The following BCKDHB variants were observed in gnomAD, a reference collection of about 807,000 sequenced individuals.
The protein encoded by BCKDHB is branched chain keto acid dehydrogenase E1 subunit beta.
BCKDHB carries 41 observed loss-of-function variants against 48.5 expected under a neutral mutation model. The observed-to-expected ratio is 0.85, with a 90% CI of 0.66 to 1.10. The LOEUF (loss-of-function observed/expected upper bound fraction) is 1.10, where lower values mean the gene tolerates loss of function less well. Among genes scored for constraint, BCKDHB ranks in the 50% least tolerant of loss-of-function variants. The probability of loss-of-function intolerance (pLI) is 0.00; values close to 1 mark genes in which losing one functional copy is unlikely to be tolerated. For synonymous variants in BCKDHB, 201 were observed against 174.8 expected (o/e 1.15, Z -1.18); for missense variants, 496 against 494.2 (o/e 1.00, Z -0.03).
intron 8 of BCKDHB, among the ~76,000 whole-genome samples, chr6:80,252,968 CACT>C (rs1312092900): frequency 6.6e-6 from 1 of 152,174 alleles, no homozygotes; most frequent in African/African-American, 2.4e-5. Flanking sequence ...TCCCCATCAC[CACT>C]GTTATCATAA....
chr6:80,424,972 G>T, the BCKDHB span, among the ~76,000 whole-genome samples: 1 of 152,158 alleles, frequency 6.6e-6, no homozygotes, highest in Non-Finnish European at 1.5e-5. Flanking sequence ...GTACCCCTCT[G>T]TGGTGTTTCA....
chr6:80,200,876 T>C, intron 6 of BCKDHB, 58 bp from the exon 7 acceptor site: 1 of 1,329,904 alleles, frequency 7.5e-7, no homozygotes, highest in Non-Finnish European at 1.1e-6. Context: ...AATTATTTTA[T>C]GCACAAGTGT....
chr6:80,385,527 C>A, the BCKDHB span, among the ~76,000 whole-genome samples: 1 of 152,172 alleles, frequency 6.6e-6, no homozygotes, highest in Admixed American at 6.6e-5. Context: ...GTGGCAACAT[C>A]CCCTCCCCAG....
downstream of BCKDHB, among the ~76,000 whole-genome samples, chr6:80,350,154 C>T (rs1440450100): frequency 6.6e-6 from 1 of 151,244 alleles, no homozygotes; most frequent in Non-Finnish European, 1.5e-5. Flanking sequence ...ACTGTGGAGC[C>T]AAGAAGGAAA....
intron 8 of BCKDHB, among the ~76,000 whole-genome samples, chr6:80,229,277 A>G (rs1775808956): frequency 2.0e-5 from 3 of 152,242 alleles, no homozygotes; most frequent in Non-Finnish European, 4.4e-5. Context: ...GCTTACAGAA[A>G]TAGCAGAGTG....
chr6:80,245,053 A>T (rs1293567113), intron 8 of BCKDHB, among the ~76,000 whole-genome samples: 3 of 151,038 alleles, frequency 2.0e-5, no homozygotes, highest in African/African-American at 7.3e-5. Flanking sequence ...CATCTATAAA[A>T]CAGAGATATA....
At chr6:80,285,995 A>G (rs1480204650) in intron 9 of BCKDHB, among the ~76,000 whole-genome samples, 1 of 152,038 alleles carries the variant, frequency 6.6e-6, no homozygotes, top group Non-Finnish European at 1.5e-5. Flanking sequence ...GATTCTCCCT[A>G]CATTAACTTT....
chr6:80,416,108 A>G, the BCKDHB span, among the ~76,000 whole-genome samples: 3 of 151,844 alleles, frequency 2.0e-5, no homozygotes, highest in Admixed American at 1.3e-4. Context: ...CTGTGGGGTC[A>G]GTGGGAATAT....
chr6:80,175,800 G>T (rs1773123260), intron 6 of BCKDHB, among the ~76,000 whole-genome samples: 1 of 152,172 alleles, frequency 6.6e-6, no homozygotes, highest in African/African-American at 2.4e-5. Context: ...AAAGATATAA[G>T]AAATATATTC....
chr6:80,194,278 G>T (rs1057044825), intron 6 of BCKDHB, among the ~76,000 whole-genome samples: 1 of 152,072 alleles, frequency 6.6e-6, no homozygotes, highest in Non-Finnish European at 1.5e-5. Context: ...CAAACAAAAA[G>T]ATTGCAAAAA....
At chr6:80,292,948 G>T (rs571690681) in intron 9 of BCKDHB, among the ~76,000 whole-genome samples, 1 of 152,312 alleles carries the variant, frequency 6.6e-6, no homozygotes, top group African/African-American at 2.4e-5. Context: ...TCACATCCAG[G>T]TCAGGCTAAT....
At chr6:80,456,875 A>T in the BCKDHB span, among the ~76,000 whole-genome samples, 1 of 152,214 alleles carries the variant, frequency 6.6e-6, no homozygotes, top group Non-Finnish European at 1.5e-5. Flanking sequence ...TAGGACTAGT[A>T]CATCTTCCGT....
chr6:80,169,920 G>A, intron 5 of BCKDHB: 1 of 1,532,248 alleles, frequency 6.5e-7, no homozygotes, highest in African/African-American at 1.4e-5. Flanking sequence ...TTATTTTTGT[G>A]CTTGAGCTAA....
At chr6:80,463,604 A>C in the BCKDHB span, among the ~76,000 whole-genome samples, 1 of 151,730 alleles carries the variant, frequency 6.6e-6, no homozygotes, top group Admixed American at 6.6e-5. Context: ...TTTTTTCCAA[A>C]ATTTGAAAGG....
intron 1 of BCKDHB, among the ~76,000 whole-genome samples, chr6:80,110,197 T>G (rs1251979593): frequency 6.6e-6 from 1 of 152,208 alleles, no homozygotes; most frequent in African/African-American, 2.4e-5. Context: ...CATCCTGGCT[T>G]CTCCATGCCC....
At chr6:80,332,651 G>A (rs1176053284) in intron 9 of BCKDHB, among the ~76,000 whole-genome samples, 1 of 149,798 alleles carries the variant, frequency 6.7e-6, no homozygotes, top group African/African-American at 2.5e-5. Flanking sequence ...TAAATGAGAG[G>A]GAACAAGTTT....
the BCKDHB span, among the ~76,000 whole-genome samples, chr6:80,381,468 A>T: frequency 1.3e-5 from 2 of 152,094 alleles, no homozygotes; most frequent in Non-Finnish European, 2.9e-5. Flanking sequence ...TCTGTTATTT[A>T]ACAGTGACAC....
intron 9 of BCKDHB, among the ~76,000 whole-genome samples, chr6:80,315,190 AGTAT>A (rs1442322320): frequency 4.6e-5 from 7 of 152,054 alleles, no homozygotes; most frequent in Non-Finnish European, 7.4e-5. Flanking sequence ...CCGGGGCCAG[AGTAT>A]GTAAAGCTCT....
downstream of BCKDHB, among the ~76,000 whole-genome samples, chr6:80,350,665 TTTG>T (rs141812985): frequency 0.068 from 10,368 of 152,230 alleles, 687 homozygotes; most frequent in African/African-American, 0.17. Context: ...TAAAAGTCCT[TTTG>T]TTTCTTGCTG....
Sources: gnomAD v4.1 joint callset for allele counts (sites outside exome capture counted in the v4.1 genomes callset) on GRCh38, gnomAD v4.1.1 for gene constraint, MANE v1.5 for transcripts, NCBI Gene and HGNC (gene_info 2026-07-23, HGNC 2026-07-21) for gene names.